The following ITPR1 variants were observed in gnomAD, a reference collection of about 807,000 sequenced individuals.
The protein encoded by ITPR1 is inositol 1,4,5-trisphosphate receptor type 1.
ITPR1 carries 96 observed loss-of-function variants against 318.4 expected under a neutral mutation model. The observed-to-expected ratio is 0.30, with a 90% CI of 0.26 to 0.36. ITPR1 has a LOEUF of 0.36. Ranked by LOEUF, ITPR1 falls within the 10% of genes least tolerant of loss-of-function variation. ITPR1 has a pLI of 1.00. For synonymous variants in ITPR1, 1,312 were observed against 1,289.9 expected (o/e 1.02, Z -0.37); for missense variants, 2,440 against 3,460.2 (o/e 0.71, Z 7.40).
chr3:4,791,853 G>C (rs1009085185), intron 52 of ITPR1, among the ~76,000 whole-genome samples: 9 of 152,246 alleles, frequency 5.9e-5, no homozygotes, highest in African/African-American at 1.9e-4. Context: ...GACACAGCCT[G>C]AGAGATTGGG....
chr3:4,659,519 A>C (rs1033704087), intron 13 of ITPR1, among the ~76,000 whole-genome samples: 1 of 151,988 alleles, frequency 6.6e-6, no homozygotes, highest in Non-Finnish European at 1.5e-5. Context: ...CCCCGACTCT[A>C]CAAAAAAAAT....
At chr3:4,533,311 G>T (rs769571362) in intron 4 of ITPR1, among the ~76,000 whole-genome samples, 1 of 152,230 alleles carries the variant, frequency 6.6e-6, no homozygotes, top group African/African-American at 2.4e-5. Flanking sequence ...ACACTACAGC[G>T]TGGTGGTTAG....
At chr3:4,749,048 G>A (rs962961432) in intron 44 of ITPR1, 2 of 152,264 alleles carry the variant, frequency 1.3e-5, no homozygotes, top group Non-Finnish European at 2.9e-5. Flanking sequence ...CCAGGCACTG[G>A]GCAGGGGATG....
At chr3:4,773,041 G>A (rs755696389) in intron 46 of ITPR1, among the ~76,000 whole-genome samples, 1 of 152,242 alleles carries the variant, frequency 6.6e-6, no homozygotes, top group Non-Finnish European at 1.5e-5. Flanking sequence ...CAGTCCCTGT[G>A]CCAGCTGCTG....
intron 4 of ITPR1, among the ~76,000 whole-genome samples, chr3:4,558,977 T>C (rs955705573): frequency 1.3e-5 from 2 of 152,134 alleles, no homozygotes; most frequent in Admixed American, 6.6e-5. Context: ...AATTCCTTAT[T>C]ACCATATTGA....
At chr3:4,630,184 A>G (rs1316283265) in intron 5 of ITPR1, among the ~76,000 whole-genome samples, 2 of 152,180 alleles carry the variant, frequency 1.3e-5, no homozygotes, top group African/African-American at 2.4e-5. Flanking sequence ...GGCGTGAGGA[A>G]GTAAGTGCTT....
intron 2 of ITPR1, among the ~76,000 whole-genome samples, chr3:4,513,899 A>G (rs2082006017): frequency 6.6e-6 from 1 of 152,142 alleles, no homozygotes; most frequent in African/African-American, 2.4e-5. Flanking sequence ...CCGCCTGTCC[A>G]ACATGGCAAA....
chr3:4,526,014 T>C (rs1339997950), intron 4 of ITPR1, among the ~76,000 whole-genome samples: 1 of 152,198 alleles, frequency 6.6e-6, no homozygotes, highest in East Asian at 1.9e-4. Flanking sequence ...GGCAATTAGA[T>C]AGGCTTTAGT....
chr3:4,814,146 G>C, intron 57 of ITPR1: 1 of 428,436 alleles, frequency 2.3e-6, no homozygotes, highest in Non-Finnish European at 4.4e-6. Flanking sequence ...GCTGGGTCTG[G>C]GGTTTAAAAC....
intron 53 of ITPR1, chr3:4,800,031 G>A: frequency 5.5e-6 from 1 of 182,486 alleles, no homozygotes; most frequent in Non-Finnish European, 1.1e-5. Flanking sequence ...TGTGCAATCT[G>A]GTGAGAGAGA....
chr3:4,609,381 A>G (rs1172493669), intron 4 of ITPR1, among the ~76,000 whole-genome samples: 1 of 152,026 alleles, frequency 6.6e-6, no homozygotes, highest in African/African-American at 2.4e-5. Flanking sequence ...GTCATGAAAT[A>G]AGAAAGCAGC....
At chr3:4,680,473 G>A (rs191087255) in intron 24 of ITPR1, 80 bp from the exon 25 acceptor site, 81 of 1,300,768 alleles carry the variant, frequency 6.2e-5, no homozygotes, top group African/African-American at 3.3e-4. Context: ...ACCAGGCCCC[G>A]CCAGTGTGTG....
chr3:4,621,075 A>G (rs967186913), intron 4 of ITPR1, among the ~76,000 whole-genome samples: 10 of 152,148 alleles, frequency 6.6e-5, no homozygotes, highest in Non-Finnish European at 1.5e-4. Flanking sequence ...CTCGGTGTCC[A>G]TTCCTCTCCC....
At chr3:4,714,938 G>T (rs1181353107) in intron 39 of ITPR1, among the ~76,000 whole-genome samples, 1 of 152,140 alleles carries the variant, frequency 6.6e-6, no homozygotes, top group East Asian at 1.9e-4. Flanking sequence ...AAAAGTCATG[G>T]ATATTCACTA....
chr3:4,554,607 G>A (rs569680289), intron 4 of ITPR1, among the ~76,000 whole-genome samples: 23 of 152,176 alleles, frequency 1.5e-4, no homozygotes, highest in African/African-American at 5.3e-4. Context: ...TGACAGTGTG[G>A]CTACAGGTTA....
At chr3:4,504,021 C>G (rs2081229373) in intron 2 of ITPR1, among the ~76,000 whole-genome samples, 1 of 152,112 alleles carries the variant, frequency 6.6e-6, no homozygotes. Flanking sequence ...CAAGAAATCA[C>G]TAGGCCTCAG....
intron 39 of ITPR1, among the ~76,000 whole-genome samples, chr3:4,716,511 A>G (rs1041073562): frequency 1.3e-5 from 2 of 152,214 alleles, no homozygotes; most frequent in African/African-American, 4.8e-5. Flanking sequence ...TTAGTACTAG[A>G]AAGTATATGA....
intron 44 of ITPR1, 56 bp from the exon 45 acceptor site, chr3:4,766,474 G>T (rs1327524748): frequency 1.4e-6 from 2 of 1,463,434 alleles, no homozygotes; most frequent in South Asian, 1.2e-5. Context: ...TGTCATGAGT[G>T]GGGTGCAGTT....
intron 4 of ITPR1, among the ~76,000 whole-genome samples, chr3:4,611,239 A>G (rs1174820177): frequency 6.8e-6 from 1 of 147,494 alleles, no homozygotes; most frequent in Non-Finnish European, 1.5e-5. Flanking sequence ...TACAAAAAAA[A>G]AAACAAAAAA....
Sources: allele counts gnomAD v4.1 joint callset (sites outside exome capture counted in the v4.1 genomes callset), GRCh38; gene constraint gnomAD v4.1.1; transcripts MANE v1.5; gene names NCBI Gene and HGNC (gene_info 2026-07-23, HGNC 2026-07-21).